The following C2CD2L variants were observed in gnomAD, a reference collection of about 807,000 sequenced individuals.
The protein encoded by C2CD2L is phospholipid transfer protein C2CD2L.
Under a neutral mutation model 69.9 loss-of-function variants are expected in C2CD2L, and 24 were observed. The ratio of observed to expected loss-of-function variants is 0.34; its 90% CI spans 0.25 to 0.48. The LOEUF (loss-of-function observed/expected upper bound fraction) is 0.48. Ranked by LOEUF, C2CD2L falls within the 20% of genes least tolerant of loss-of-function variation. C2CD2L has a pLI of 0.99. For missense variants in C2CD2L, 811 were observed against 941.5 expected (o/e 0.86, Z 1.81); for synonymous variants, 367 against 391.0 (o/e 0.94, Z 0.72).
chr11:119,116,197 A>C lies in C2CD2L; in HGVS notation c.2062A>C (p.Lys688Gln), dbSNP rs900806607. 6.2e-7 allele frequency: 1 copy of C among 1,614,096 alleles called. No individual in the cohort carries two copies. The highest frequency in any genetic ancestry group is 1.3e-5 in the African/African-American group (1 of 74,926). Residue 688 changes from lysine to glutamine, a missense_variant, in exon 14 of 14, where the codon AAG (lysine) becomes CAG (glutamine). By Grantham distance (53) the Lys-to-Gln change is moderately conservative. Coordinates refer to ENST00000648610, the MANE Select transcript of C2CD2L (RefSeq NM_001290474.2). ...KAGSFSRRLI[K>Q]RFSFKSKPKA... ...CGGCAGCTTTTCTCGCCGCCTTATC[A>C]AGCGCTTTTCCTTCAAATCCAAACC...
In C2CD2L at chr11:119,117,893, G is replaced by A. The variant is rs1396073509; in HGVS notation, c.*1637G>A. 6.6e-6 allele frequency: 1 copy of A among 152,024 alleles called. No homozygotes were observed. The highest frequency in any genetic ancestry group is 1.5e-5 in the Non-Finnish European group (1 of 68,002). 9.4% of individuals were successfully genotyped at this position (152,024 alleles called of 1,614,324 possible). On this transcript the variant is annotated 3_prime_UTR_variant, in exon 14 of 14. Coordinates refer to ENST00000648610, the MANE Select transcript of C2CD2L (RefSeq NM_001290474.2). ...CAGTTTCCTCATATCTAAAATAAGGGTGACCTGGATAAACATTCAGGTCAC... is the reference window on the plus strand; with the variant it reads ...CAGTTTCCTCATATCTAAAATAAGGATGACCTGGATAAACATTCAGGTCAC...
chr11:119,112,902 C>G, intron 10 of C2CD2L, 28 bp downstream of exon 10: 4 of 1,606,300 alleles, frequency 2.5e-6, no homozygotes, highest in Non-Finnish European at 3.4e-6. Context: ...GGGAGCCCAG[C>G]TCTAGCCAGG....
upstream of C2CD2L, among the ~76,000 whole-genome samples, chr11:119,105,647 G>GAAA (rs112441104): frequency 8.1e-6 from 1 of 124,040 alleles, no homozygotes. Context: ...CAAGAAAAGA[G>GAAA]AAAAAAAAAA....
chr11:119,115,830 CAT>C, intron 13 of C2CD2L: 1 of 595,310 alleles, frequency 1.7e-6, no homozygotes, highest in Non-Finnish European at 3.0e-6. Context: ...GGATAAAGCA[CAT>C]GTTTGTTTCT....
chr11:119,113,042 T>C, intron 10 of C2CD2L, 168 bp downstream of exon 10: 1 of 631,060 alleles, frequency 1.6e-6, no homozygotes, highest in Non-Finnish European at 2.7e-6. Context: ...CTTCCAAACT[T>C]TCCCTTACCT....
Position 119,118,250 on chromosome 11 carries a change from C to T in C2CD2L, c.*1994C>T, listed in dbSNP as rs987815999. 1.3e-5 allele frequency: 2 copies of T among 152,148 alleles called. No homozygotes were observed. Among genetic ancestry groups the T allele is most frequent in the African/African-American group, 2.4e-5 (1 of 41,432 alleles). The allele number at this position is 152,148 out of a possible 1,614,324, so 9.4% of individuals were successfully genotyped here. ...TTTTCAACCCTCACCCTCCTCCCAC[C>T]TTCTCACCTTTCATAGTCTCCGATG... On this transcript the variant is annotated 3_prime_UTR_variant, in exon 14 of 14. Coordinates refer to ENST00000648610, the MANE Select transcript of C2CD2L (RefSeq NM_001290474.2).
chr11:119,110,468 G>T lies in C2CD2L; in HGVS notation c.451-93G>T, dbSNP rs747263484. The T allele has an allele frequency of 7.1e-7, 1 of 1,403,594 alleles. No individual in the cohort carries two copies. Among genetic ancestry groups the T allele is most frequent in the Non-Finnish European group, 9.5e-7 (1 of 1,050,010 alleles). 86.9% of individuals were successfully genotyped at this position (1,403,594 alleles called of 1,614,324 possible). A position where few individuals can be genotyped will look rare whatever the true frequency, so the allele number is the denominator to read the frequency against. ...GAAAACATGAAGTCCTTAGGAAAAC[G>T]GAAGTGGGGAGGGGTCTGCTGAACT... On this transcript the variant is annotated intron_variant, in intron 2 of 13. Transcript: ENST00000648610. The surrounding 1 kb of genome is among the most constrained non-coding windows in gnomAD (Gnocchi z 5.7).
intron 1 of C2CD2L, 150 bp downstream of exon 1, chr11:119,108,245 C>A (rs1592236192): frequency 3.6e-6 from 2 of 554,368 alleles, no homozygotes; most frequent in Non-Finnish European, 3.2e-6. Context: ...AAAAGGGTGC[C>A]GCTAAGGCTG....
chr11:119,102,887 T>G (rs1382086595), upstream of C2CD2L, among the ~76,000 whole-genome samples: 2 of 134,806 alleles, frequency 1.5e-5, no homozygotes, highest in Admixed American at 7.7e-5. Context: ...TTTTTTTTTT[T>G]TTGAGACAGA....
At chr11:119,103,163 G>A (rs566614963), upstream of C2CD2L, among the ~76,000 whole-genome samples, 3 of 152,012 alleles carry the variant, frequency 2.0e-5, no homozygotes, top group Admixed American at 1.3e-4. Context: ...AATGCTGGGA[G>A]TACAGGCGTG....
chr11:119,102,873 T>C (rs1946531127), upstream of C2CD2L, among the ~76,000 whole-genome samples: 1 of 135,310 alleles, frequency 7.4e-6, no homozygotes, highest in Non-Finnish European at 1.6e-5. Context: ...TTTTTTTTTT[T>C]TTTTTTTTTT....
In C2CD2L at chr11:119,108,063, C is replaced by A. The variant is rs1946636862; in HGVS notation, c.322C>A (p.Arg108=). The A allele has an allele frequency of 3.1e-6, 5 of 1,599,188 alleles. No individual in the cohort carries two copies. Among genetic ancestry groups the A allele is most frequent in the Non-Finnish European group, 3.4e-6 (4 of 1,174,166 alleles). Residue 108 remains arginine (R), a synonymous_variant, in exon 1 of 14, where the codon CGA becomes AGA. Coordinates refer to ENST00000648610, the MANE Select transcript of C2CD2L (RefSeq NM_001290474.2). The stretch of plus-strand genomic sequence containing the variant: ...GGAGAACTGGCAGCGGGCTTGGGTG[C>A]GAGCGCTGAACGAGCAGGCCTGCAG... ...FRENWQRAWV[R]ALNEQACRNG... is the part of the protein sequence containing the mutation.
rs1946884812 is a variant in C2CD2L at position 119,116,139 on chromosome 11, C to T, written c.2004C>T (p.Asn668=). Residue 668 remains asparagine, a synonymous_variant, in exon 14 of 14, where the codon AAC becomes AAT. Coordinates refer to ENST00000648610, the MANE Select transcript of C2CD2L (RefSeq NM_001290474.2). ...GLSQSHDDLS[N]ATATPSVRKK... Reference sequence around the variant, plus strand: ...GCCAATCACACGATGACCTCTCCAACGCAACGGCCACGCCCAGTGTCCGAA... The same window carrying T: ...GCCAATCACACGATGACCTCTCCAATGCAACGGCCACGCCCAGTGTCCGAA... The T allele has an allele frequency of 6.2e-7, 1 of 1,614,128 alleles. No individual in the cohort carries two copies. The highest frequency in any genetic ancestry group is 8.5e-7 in the Non-Finnish European group (1 of 1,180,038).
chr11:119,113,958 C>T lies in C2CD2L; in HGVS notation c.1593C>T (p.Arg531=). 1 of 1,614,148 alleles carries T rather than the reference C, an allele frequency of 6.2e-7. No homozygotes were observed. The highest frequency in any genetic ancestry group is 1.1e-5 in the South Asian group (1 of 91,080). ...TGGCCAAGAAGACACCCACCAAGCGCAGCACTCTCATCATCTCTGGTGTTT... is the reference window on the plus strand; with the variant it reads ...TGGCCAAGAAGACACCCACCAAGCGTAGCACTCTCATCATCTCTGGTGTTT... The part of the protein sequence containing the change: ...GRVAKKTPTK[R]STLIISGVSK... The change falls in exon 12 of 14, where the codon CGC becomes CGT. Residue 531 remains arginine, a synonymous_variant. Coordinates refer to ENST00000648610, the MANE Select transcript of C2CD2L (RefSeq NM_001290474.2).
In C2CD2L at chr11:119,111,248, T is replaced by C. The variant is rs370506721; in HGVS notation, c.799-15T>C. 28 of 1,613,392 alleles carry C rather than the reference T, an allele frequency of 1.7e-5. No homozygotes were observed. In the African/African-American group the frequency reaches 3.1e-4, roughly 18 times the overall value. On this transcript the variant is annotated splice_polypyrimidine_tract_variant and intron_variant, in intron 5 of 13. Coordinates refer to ENST00000648610, the MANE Select transcript of C2CD2L (RefSeq NM_001290474.2). ...TGTCAGGATTCTTGCTCTTTGGACCTTCTTCTGCTCTTAGGTACCCAGTGA... is the reference window on the plus strand; with the variant it reads ...TGTCAGGATTCTTGCTCTTTGGACCCTCTTCTGCTCTTAGGTACCCAGTGA...
intron 7 of C2CD2L, 104 bp downstream of exon 7, chr11:119,111,733 C>A: frequency 1.3e-6 from 1 of 769,796 alleles, no homozygotes; most frequent in Non-Finnish European, 2.1e-6. Context: ...TAGCCTTTGG[C>A]GTGAGCTCCT....
rs372460498 is a variant in C2CD2L at position 119,108,111 on chromosome 11, C to A, written c.354+16C>A. Reference sequence around the variant, plus strand: ...CAGAAACGGGGTGAGTTGGACCAAGCGCTTGGGTGGTCCCTTCAGCCTTTC... The same window carrying A: ...CAGAAACGGGGTGAGTTGGACCAAGAGCTTGGGTGGTCCCTTCAGCCTTTC... On this transcript the variant is annotated intron_variant, in intron 1 of 13. Transcript: ENST00000648610. The A allele has an allele frequency of 8.9e-5, 137 of 1,547,402 alleles. No individual in the cohort carries two copies. Among genetic ancestry groups the A allele is most frequent in the Non-Finnish European group, 1.2e-4 (132 of 1,136,578 alleles).
chr11:119,108,390 TG>T (rs1012724979), intron 1 of C2CD2L: 155 of 339,066 alleles, frequency 4.6e-4, no homozygotes, highest in African/African-American at 3.1e-3. Context: ...CCGCCTTGCC[TG>T]GGTGCTGGTT....
chr11:119,103,648 G>A (rs984559333), upstream of C2CD2L, among the ~76,000 whole-genome samples: 5 of 151,676 alleles, frequency 3.3e-5, no homozygotes, highest in African/African-American at 1.2e-4. Context: ...AGTGAGCCGC[G>A]ATCATGCCAC....
Sources: allele counts gnomAD v4.1 joint callset (sites outside exome capture counted in the v4.1 genomes callset), GRCh38; gene constraint gnomAD v4.1.1; non-coding constraint Gnocchi (gnomAD v3.1); transcripts MANE v1.5; gene names NCBI Gene and HGNC (gene_info 2026-07-23, HGNC 2026-07-21).